The following LMBRD1 variants were observed in gnomAD, a reference collection of about 807,000 sequenced individuals.
The protein encoded by LMBRD1 is LMBR1 domain containing 1.
A neutral mutation model predicts 74.8 loss-of-function variants in LMBRD1; 64 were observed. The observed-to-expected ratio is 0.86, with a 90% CI of 0.70 to 1.05. The LOEUF is 1.05. Among genes scored for constraint, LMBRD1 ranks in the 50% least tolerant of loss-of-function variants. The pLI is 0.00. For missense variants in LMBRD1, 652 were observed against 645.9 expected (o/e 1.01, Z -0.10); for synonymous variants, 204 against 216.3 (o/e 0.94, Z 0.50).
intron 14 of LMBRD1, among the ~76,000 whole-genome samples, chr6:69,685,205 A>G (rs1166268936): frequency 3.9e-5 from 6 of 152,200 alleles, no homozygotes; most frequent in Non-Finnish European, 8.8e-5. Context: ...CCGGATTCTG[A>G]CTGATGAAAA....
chr6:69,716,904 T>G (rs1195679381), intron 8 of LMBRD1, among the ~76,000 whole-genome samples: 1 of 150,968 alleles, frequency 6.6e-6, no homozygotes, highest in Non-Finnish European at 1.5e-5. Context: ...ATTTTAAATA[T>G]TAAAATACAT....
In LMBRD1 at chr6:69,713,784, C is replaced by A; in HGVS notation, c.776G>T (p.Arg259Leu). Residue 259 changes from arginine to leucine, a missense_variant, in exon 9 of 16, where the codon CGA becomes CTA. Around this residue, in one of 3 missense-constraint regions of LMBRD1, gnomAD observed 598 missense variants for 581.8 expected, o/e 1.03. Coordinates refer to ENST00000649934, the MANE Select transcript of LMBRD1 (RefSeq NM_018368.4). ...GCGTTTATCCCTTGCTGGCAAAGGTCGACCATCTTTGCTCTGCAAATAACA... is the reference window on the plus strand; with the variant it reads ...GCGTTTATCCCTTGCTGGCAAAGGTAGACCATCTTTGCTCTGCAAATAACA... ...QTIKSKSKDG[R>L]PLPARDKRAL... 6.2e-7 allele frequency: 1 copy of A among 1,613,476 alleles called. No individual in the cohort carries two copies. The highest frequency in any genetic ancestry group is 8.5e-7 in the Non-Finnish European group (1 of 1,179,600).
At chr6:69,711,095 C>A (rs993233434) in intron 9 of LMBRD1, among the ~76,000 whole-genome samples, 3 of 152,118 alleles carry the variant, frequency 2.0e-5, no homozygotes, top group African/African-American at 7.2e-5. Context: ...AATTGTGATA[C>A]AGACACACAC....
chr6:69,724,163 C>T (rs557345600), intron 7 of LMBRD1, among the ~76,000 whole-genome samples: 2 of 151,722 alleles, frequency 1.3e-5, no homozygotes, highest in South Asian at 4.2e-4. Context: ...AAGATCAAAA[C>T]TGTAATTAAA....
intron 14 of LMBRD1, among the ~76,000 whole-genome samples, chr6:69,694,122 T>G (rs1319542125): frequency 6.6e-6 from 1 of 152,132 alleles, no homozygotes; most frequent in Non-Finnish European, 1.5e-5. Context: ...TACAGTCAAG[T>G]GTATTATTTG....
rs868493181 is a variant in LMBRD1 at position 69,774,269 on chromosome 6, C to T, written c.307+6225G>A. Among the ~76,000 whole-genome samples, 12 of 152,234 alleles carry T rather than the reference C, an allele frequency of 7.9e-5. 1 individual carries two copies. The South Asian group carries it at 8.3e-4, about 10-fold the overall frequency. On this transcript the variant is annotated intron_variant, in intron 3 of 15. Coordinates refer to ENST00000649934, the MANE Select transcript of LMBRD1 (RefSeq NM_018368.4). ...ATGTGACTTTGCTCCTCCTCGCCTT[C>T]CACCATGATTATGAAGCCTCCCCAG...
intron 7 of LMBRD1, among the ~76,000 whole-genome samples, chr6:69,737,441 G>C (rs1300010184): frequency 1.3e-5 from 2 of 151,782 alleles, no homozygotes; most frequent in Non-Finnish European, 2.9e-5. Context: ...TAAAAGAGAA[G>C]TATCAAGTTA....
chr6:69,727,565 T>C (rs1018860020), intron 7 of LMBRD1, among the ~76,000 whole-genome samples: 1 of 152,206 alleles, frequency 6.6e-6, no homozygotes, highest in African/African-American at 2.4e-5. Flanking sequence ...ATGTATATTG[T>C]AAAGTTGAAA....
At chr6:69,701,760 T>C in intron 10 of LMBRD1, 129 bp downstream of exon 10, 1 of 723,062 alleles carries the variant, frequency 1.4e-6, no homozygotes, top group Non-Finnish European at 2.4e-6. Context: ...TTTGAGTTAA[T>C]GCTATAGAAC....
At chr6:69,788,435 TA>T (rs1766005958) in intron 2 of LMBRD1, among the ~76,000 whole-genome samples, 1 of 152,034 alleles carries the variant, frequency 6.6e-6, no homozygotes, top group South Asian at 2.1e-4. Flanking sequence ...TGTTTTAAAA[TA>T]AAAAGAATAT....
At chr6:69,677,874 AC>A (rs1409784176) in intron 14 of LMBRD1, among the ~76,000 whole-genome samples, 1 of 152,148 alleles carries the variant, frequency 6.6e-6, no homozygotes, top group African/African-American at 2.4e-5. Flanking sequence ...AAAGTAGCAG[AC>A]TGGTTATTTG....
intron 14 of LMBRD1, among the ~76,000 whole-genome samples, chr6:69,680,724 T>C (rs1246572801): frequency 6.6e-6 from 1 of 152,132 alleles, no homozygotes; most frequent in Non-Finnish European, 1.5e-5. Flanking sequence ...TATATGCATC[T>C]TTATACATAT....
chr6:69,697,877 A>C (rs1766040460), intron 13 of LMBRD1, among the ~76,000 whole-genome samples: 1 of 152,118 alleles, frequency 6.6e-6, no homozygotes, highest in Non-Finnish European at 1.5e-5. Context: ...GCTTCTTCCC[A>C]GAACAAACAA....
intron 3 of LMBRD1, among the ~76,000 whole-genome samples, chr6:69,773,585 T>G: frequency 6.6e-6 from 1 of 152,292 alleles, no homozygotes; most frequent in Admixed American, 6.5e-5. Context: ...TCTCCCTTAG[T>G]TCCATAACTT....
At chr6:69,717,829 T>C (rs748125841) in intron 8 of LMBRD1, among the ~76,000 whole-genome samples, 4 of 152,082 alleles carry the variant, frequency 2.6e-5, no homozygotes, top group Non-Finnish European at 4.4e-5. Flanking sequence ...TCCCAAGTAG[T>C]TGGGACTATA....
At chr6:69,732,755 T>C (rs1035601036) in intron 7 of LMBRD1, among the ~76,000 whole-genome samples, 3 of 152,194 alleles carry the variant, frequency 2.0e-5, no homozygotes, top group African/African-American at 7.2e-5. Context: ...AGTAAACAAT[T>C]TAGCAGTCAC....
chr6:69,777,668 A>G (rs1429196429), intron 3 of LMBRD1, among the ~76,000 whole-genome samples: 1 of 143,930 alleles, frequency 6.9e-6, no homozygotes, highest in Non-Finnish European at 1.6e-5. Context: ...TCATCTGTGA[A>G]AGGTAGAAAA....
rs531057519 is a variant in LMBRD1 at position 69,743,631 on chromosome 6, C to A, written c.474-1754G>T. On this transcript the variant is annotated intron_variant, in intron 5 of 15. Coordinates refer to ENST00000649934, the MANE Select transcript of LMBRD1 (RefSeq NM_018368.4). ...GAGCACATAGTATTTTAGGTATAAA[C>A]GAAAGCACAAATTCAAAGCAGGTTC... Among the ~76,000 whole-genome samples the A allele has an allele frequency of 2.0e-5, 3 of 152,336 alleles. No homozygotes were observed. The South Asian group carries it at 6.2e-4, about 32-fold the overall frequency.
chr6:69,706,196 A>C, intron 9 of LMBRD1: 1 of 437,958 alleles, frequency 2.3e-6, no homozygotes, highest in South Asian at 2.1e-5. Context: ...GAGAGAAGGC[A>C]GATGGAGATA....
Sources: gnomAD v4.1 joint callset for allele counts (sites outside exome capture counted in the v4.1 genomes callset) on GRCh38, gnomAD v4.1.1 for gene constraint, gnomAD v4.1.1 regional missense constraint, MANE v1.5 for transcripts, NCBI Gene and HGNC (gene_info 2026-07-23, HGNC 2026-07-21) for gene names.